LRRC7: variants seen among roughly 807,000 people sequenced by gnomAD.
LRRC7 encodes leucine-rich repeat-containing protein 7.
LRRC7 carries 23 observed loss-of-function variants against 175.7 expected under a neutral mutation model. That is an observed-to-expected ratio of 0.13 (90% CI 0.09 to 0.19). The LOEUF (loss-of-function observed/expected upper bound fraction) is 0.19, where lower values mean the gene tolerates loss of function less well. Ranked by LOEUF, LRRC7 falls within the 10% of genes least tolerant of loss-of-function variation. The pLI, the probability that LRRC7 is intolerant of heterozygous loss-of-function variation, is 1.00. For synonymous variants in LRRC7, 685 were observed against 680.9 expected (o/e 1.01, Z -0.09); for missense variants, 1,354 against 1,904.7 (o/e 0.71, Z 5.38).
intron 2 of LRRC7, among the ~76,000 whole-genome samples, chr1:69,690,174 A>AT (rs935051226): frequency 6.6e-6 from 1 of 152,120 alleles, no homozygotes; most frequent in Non-Finnish European, 1.5e-5. Context: ...ATAGGATATA[A>AT]TTTTTTTAAA....
At chr1:69,860,840 A>C (rs1311795862) in intron 7 of LRRC7, among the ~76,000 whole-genome samples, 1 of 152,134 alleles carries the variant, frequency 6.6e-6, no homozygotes, top group Non-Finnish European at 1.5e-5. Context: ...GAAAGATTTA[A>C]TATGATAAAA....
At chr1:69,701,138 G>T (rs975655194) in intron 2 of LRRC7, among the ~76,000 whole-genome samples, 1 of 152,250 alleles carries the variant, frequency 6.6e-6, no homozygotes, top group Non-Finnish European at 1.5e-5. Flanking sequence ...GAAAGGTACA[G>T]ACCAAACCTC....
intron 23 of LRRC7, among the ~76,000 whole-genome samples, chr1:70,066,781 A>G (rs1301165806): frequency 6.6e-6 from 1 of 152,086 alleles, no homozygotes; most frequent in Non-Finnish European, 1.5e-5. Flanking sequence ...TGGTACTTGC[A>G]TGTTCAATTT....
intron 3 of LRRC7, 124 bp from the exon 4 acceptor site, chr1:69,791,919 G>A: frequency 1.6e-6 from 1 of 613,580 alleles, no homozygotes; most frequent in South Asian, 2.1e-5. Flanking sequence ...GGAGGGAAGT[G>A]AGGCTTTTAT....
chr1:69,714,789 T>A (rs1312151307), intron 2 of LRRC7, among the ~76,000 whole-genome samples: 3 of 152,136 alleles, frequency 2.0e-5, no homozygotes, highest in Admixed American at 2.0e-4. Context: ...ATGTTTTTTT[T>A]AATTCTGTGA....
At chr1:69,574,979 G>A (rs761506871) in intron 1 of LRRC7, among the ~76,000 whole-genome samples, 1 of 152,056 alleles carries the variant, frequency 6.6e-6, no homozygotes, top group African/African-American at 2.4e-5. Flanking sequence ...ATATCGTATT[G>A]TTGAACACTG....
chr1:69,720,121 CTT>C (rs1437267975), intron 2 of LRRC7, among the ~76,000 whole-genome samples: 27 of 151,532 alleles, frequency 1.8e-4, no homozygotes, highest in African/African-American at 6.5e-4. Flanking sequence ...TTAAAATAAA[CTT>C]GGGTTTATAT....
intron 2 of LRRC7, among the ~76,000 whole-genome samples, chr1:69,686,980 T>G (rs1468769070): frequency 2.6e-5 from 4 of 152,118 alleles, no homozygotes; most frequent in African/African-American, 7.2e-5. Flanking sequence ...AAAGGTAACT[T>G]CAAAGCAAAA....
intron 7 of LRRC7, among the ~76,000 whole-genome samples, chr1:69,927,792 CCTT>C (rs1647133456): frequency 6.6e-6 from 1 of 152,152 alleles, no homozygotes; most frequent in African/African-American, 2.4e-5. Context: ...TCATCTGAAG[CCTT>C]CTTCTCTCAA....
At chr1:69,634,641 C>T (rs17131003) in intron 1 of LRRC7, among the ~76,000 whole-genome samples, 3,664 of 152,154 alleles carry the variant, frequency 0.024, 125 homozygotes, top group African/African-American at 0.083. Flanking sequence ...ATTTCTGTTC[C>T]TTTATGTCTA....
At chr1:69,924,228 A>T (rs1385173096) in intron 7 of LRRC7, among the ~76,000 whole-genome samples, 2 of 152,078 alleles carry the variant, frequency 1.3e-5, no homozygotes, top group African/African-American at 4.8e-5. Flanking sequence ...GTTTGAAGTC[A>T]GGTAGCATGA....
At chr1:69,771,166 T>G (rs1191213614) in intron 3 of LRRC7, among the ~76,000 whole-genome samples, 1 of 152,202 alleles carries the variant, frequency 6.6e-6, no homozygotes, top group Non-Finnish European at 1.5e-5. Flanking sequence ...GTTCTTTAAT[T>G]GCAATTATTT....
chr1:69,634,919 A>G (rs1653086001), intron 1 of LRRC7, among the ~76,000 whole-genome samples: 2 of 152,144 alleles, frequency 1.3e-5, no homozygotes, highest in Non-Finnish European at 2.9e-5. Context: ...AATGTCTGAC[A>G]TTCAAGTATT....
rs397763816 is a variant in LRRC7, at chr1:69,718,142, G to GAGAGAAAGAA, written c.100+39667_100+39668insGAAAGAAAGA. On this transcript the variant is annotated intron_variant, in intron 2 of 26. Coordinates refer to ENST00000651989, the MANE Select transcript of LRRC7 (RefSeq NM_001370785.2). The stretch of plus-strand genomic sequence containing the variant: ...GAAAGAAAGAAAAGAAAGAAAGAGA[G>GAGAGAAAGAA]AGAAAGAAAGAAAGAAAGAAAGAAA... Among the ~76,000 whole-genome samples, 39 of 73,748 alleles carry GAGAGAAAGAA rather than the reference G, an allele frequency of 5.3e-4. 1 individual carries two copies. Among genetic ancestry groups the GAGAGAAAGAA allele is most frequent in the African/African-American group, 1.4e-3 (17 of 12,420 alleles). 48.4% of individuals were successfully genotyped at this position (73,748 alleles called of 152,430 possible). A position where few individuals can be genotyped will look rare whatever the true frequency, so the allele number is the denominator to read the frequency against.
chr1:69,879,429 G>A (rs1686374188), intron 7 of LRRC7, among the ~76,000 whole-genome samples: 1 of 152,138 alleles, frequency 6.6e-6, no homozygotes, highest in African/African-American at 2.4e-5. Context: ...CGGTTTCTGA[G>A]AGGCTACTGA....
chr1:69,568,562 T>TG lies in LRRC7; in HGVS notation c.-77dup. On this transcript the variant is annotated 5_prime_UTR_variant, in exon 1 of 27. Coordinates refer to ENST00000651989, the MANE Select transcript of LRRC7 (RefSeq NM_001370785.2). Reference sequence around the variant, plus strand: ...TGGCGCCCACTCCACTGCGGACCCCTGAACACTTAAGGAATAACCCTTGGC... The same window carrying TG: ...TGGCGCCCACTCCACTGCGGACCCCTGGAACACTTAAGGAATAACCCTTGGC... The TG allele has an allele frequency of 7.6e-7, 1 of 1,323,584 alleles. No homozygotes were observed. Among genetic ancestry groups the TG allele is most frequent in the South Asian group, 1.2e-5 (1 of 82,118 alleles). The allele number at this position is 1,323,584 out of a possible 1,614,324, so 82.0% of individuals were successfully genotyped here.
At chr1:70,081,058 G>C (rs1378375222) in intron 24 of LRRC7, among the ~76,000 whole-genome samples, 2 of 152,198 alleles carry the variant, frequency 1.3e-5, no homozygotes, top group African/African-American at 2.4e-5. Context: ...AAACACTGAT[G>C]TCTTGCTCTC....
At chr1:69,784,610 G>A (rs1361223248) in intron 3 of LRRC7, among the ~76,000 whole-genome samples, 3 of 151,782 alleles carry the variant, frequency 2.0e-5, no homozygotes, top group Non-Finnish European at 4.4e-5. Context: ...ACATCCTTTG[G>A]GTTTATTCTG....
At chr1:69,598,239 C>G (rs557542811) in intron 1 of LRRC7, among the ~76,000 whole-genome samples, 1 of 152,146 alleles carries the variant, frequency 6.6e-6, no homozygotes, top group East Asian at 1.9e-4. Flanking sequence ...TGAGACTAAA[C>G]TTTCAGGAAT....
Sources: gnomAD v4.1 joint callset for allele counts (sites outside exome capture counted in the v4.1 genomes callset) on GRCh38, gnomAD v4.1.1 for gene constraint, MANE v1.5 for transcripts, NCBI Gene and HGNC (gene_info 2026-07-23, HGNC 2026-07-21) for gene names.